The following UBASH3B variants were observed in gnomAD, a reference collection of about 807,000 sequenced individuals.
The protein encoded by UBASH3B is ubiquitin-associated and SH3 domain-containing protein B.
A neutral mutation model predicts 83.4 loss-of-function variants in UBASH3B; 37 were observed. That is an observed-to-expected ratio of 0.44 (90% CI 0.34 to 0.58). UBASH3B has a LOEUF of 0.58. Ranked by LOEUF, UBASH3B falls within the 20% of genes least tolerant of loss-of-function variation. The probability of loss-of-function intolerance (pLI) is 0.01; values close to 1 mark genes in which losing one functional copy is unlikely to be tolerated. For missense variants in UBASH3B, 657 were observed against 827.2 expected (o/e 0.79, Z 2.52); for synonymous variants, 304 against 318.3 (o/e 0.96, Z 0.48).
chr11:122,753,706 G>A (rs1400678353), intron 1 of UBASH3B, among the ~76,000 whole-genome samples: 1 of 151,798 alleles, frequency 6.6e-6, no homozygotes, highest in African/African-American at 2.4e-5. Flanking sequence ...TGTTGGTCAG[G>A]CTGGTCTCGA....
chr11:122,740,924 T>C (rs1318432938), intron 1 of UBASH3B, among the ~76,000 whole-genome samples: 1 of 152,210 alleles, frequency 6.6e-6, no homozygotes, highest in Non-Finnish European at 1.5e-5. Context: ...TAGTGGGACA[T>C]AATGTGTACA....
chr11:122,758,996 C>G lies in UBASH3B; in HGVS notation c.162-17223C>G, dbSNP rs1446212733. 2.0e-5 allele frequency among the ~76,000 whole-genome samples: 3 copies of G among 152,192 alleles called. No homozygotes were observed. Among genetic ancestry groups the G allele is most frequent in the African/African-American group, 7.2e-5 (3 of 41,440 alleles). On this transcript the variant is annotated intron_variant, in intron 1 of 13. Coordinates refer to ENST00000284273, the MANE Select transcript of UBASH3B (RefSeq NM_032873.5). This position sits in a 1 kb window ranked among gnomAD's most constrained non-coding sequence, Gnocchi z 4.2. ...ACTCTAACTTTAGTGGCTTAAAACACACATTTTCCCAGTTTCTGTAGGTCA... is the reference window on the plus strand; with the variant it reads ...ACTCTAACTTTAGTGGCTTAAAACAGACATTTTCCCAGTTTCTGTAGGTCA...
intron 5 of UBASH3B, 125 bp downstream of exon 5, chr11:122,783,347 C>T: frequency 8.4e-7 from 1 of 1,190,528 alleles, no homozygotes; most frequent in Non-Finnish European, 1.2e-6. Context: ...ACAGAGAGTC[C>T]GTTGGCTCAG....
intron 11 of UBASH3B, among the ~76,000 whole-genome samples, chr11:122,803,549 G>C (rs1156720316): frequency 6.6e-6 from 1 of 152,076 alleles, no homozygotes; most frequent in Non-Finnish European, 1.5e-5. Flanking sequence ...GGGCCTGGGG[G>C]GGTTGAAAAC....
At chr11:122,715,112 A>T (rs1218252208) in intron 1 of UBASH3B, among the ~76,000 whole-genome samples, 1 of 151,964 alleles carries the variant, frequency 6.6e-6, no homozygotes, top group Admixed American at 6.6e-5. Context: ...CACCCGGCTA[A>T]TTTTTTGTAT....
At chr11:122,666,566 G>A (rs12790227) in intron 1 of UBASH3B, among the ~76,000 whole-genome samples, 64 of 151,946 alleles carry the variant, frequency 4.2e-4, no homozygotes, top group Non-Finnish European at 7.5e-4. Flanking sequence ...TTACAGGCGC[G>A]CGCCTCCATG....
intron 6 of UBASH3B, among the ~76,000 whole-genome samples, chr11:122,790,790 T>TA (rs1162749596): frequency 2.0e-4 from 29 of 144,528 alleles, no homozygotes; most frequent in East Asian, 1.8e-3. Context: ...CTACCAAAAA[T>TA]AAAAAAAAAA....
At chr11:122,753,717 A>G (rs771926429) in intron 1 of UBASH3B, among the ~76,000 whole-genome samples, 5 of 151,354 alleles carry the variant, frequency 3.3e-5, no homozygotes, top group Admixed American at 6.6e-5. Context: ...CTGGTCTCGA[A>G]CTCCTGATCT....
At chr11:122,697,202 G>A (rs1863975247) in intron 1 of UBASH3B, among the ~76,000 whole-genome samples, 1 of 152,158 alleles carries the variant, frequency 6.6e-6, no homozygotes, top group African/African-American at 2.4e-5. Context: ...CCAAACAACG[G>A]GAATGGTGGC....
intron 1 of UBASH3B, among the ~76,000 whole-genome samples, chr11:122,694,431 A>T (rs1036969187): frequency 6.6e-6 from 1 of 152,140 alleles, no homozygotes; most frequent in African/African-American, 2.4e-5. Flanking sequence ...ATGGTGGCAC[A>T]TGCCTGTAGT....
chr11:122,723,099 G>C (rs1391009820), intron 1 of UBASH3B, among the ~76,000 whole-genome samples: 1 of 152,114 alleles, frequency 6.6e-6, no homozygotes, highest in African/African-American at 2.4e-5. Context: ...CTCCCAGAAA[G>C]TTTCTGAAAA....
intron 11 of UBASH3B, among the ~76,000 whole-genome samples, chr11:122,804,184 G>T (rs1162993286): frequency 6.6e-6 from 1 of 152,256 alleles, no homozygotes; most frequent in East Asian, 1.9e-4. Flanking sequence ...GGGAGATGAG[G>T]TGACATAAAT....
chr11:122,791,421 A>G (rs770185090), intron 6 of UBASH3B, among the ~76,000 whole-genome samples: 6 of 152,228 alleles, frequency 3.9e-5, no homozygotes, highest in Non-Finnish European at 7.3e-5. Flanking sequence ...TTAGCTTTAC[A>G]TGGTTCAGAG....
At chr11:122,665,734 T>C (rs1281442960) in intron 1 of UBASH3B, among the ~76,000 whole-genome samples, 1 of 152,182 alleles carries the variant, frequency 6.6e-6, no homozygotes, top group East Asian at 1.9e-4. Flanking sequence ...CGTTTACTAG[T>C]ATGCAATAGT....
chr11:122,725,342 A>AAAAAAAAAAAAAAAGAGAG (rs71281633), intron 1 of UBASH3B, among the ~76,000 whole-genome samples: 22 of 130,782 alleles, frequency 1.7e-4, no homozygotes, highest in Non-Finnish European at 2.4e-4. Context: ...AAAAAAAAAA[A>AAAAAAAAAAAAAAAGAGAG]AAGAAAAGAA....
chr11:122,711,285 T>A lies in UBASH3B; in HGVS notation c.161+55075T>A, dbSNP rs556670631. Among the ~76,000 whole-genome samples the A allele has an allele frequency of 8.5e-5, 13 of 152,334 alleles. No homozygotes were observed. In the South Asian group the frequency reaches 2.5e-3, roughly 29 times the overall value. On this transcript the variant is annotated intron_variant, in intron 1 of 13. Transcript: ENST00000284273. ...TCTCCTGTCCAAACCTTGGAATTCG[T>A]AATCATTTTAGTGCTTAGGGAAAGA...
chr11:122,730,620 A>C (rs1159550600), intron 1 of UBASH3B, among the ~76,000 whole-genome samples: 3 of 145,130 alleles, frequency 2.1e-5, no homozygotes, highest in Non-Finnish European at 4.5e-5. Flanking sequence ...ATTGAGACAG[A>C]GTTTTGCTCT....
intron 1 of UBASH3B, among the ~76,000 whole-genome samples, chr11:122,714,610 A>G (rs899495978): frequency 6.6e-6 from 1 of 152,164 alleles, no homozygotes; most frequent in Non-Finnish European, 1.5e-5. Flanking sequence ...CGGTCGTGTG[A>G]CTTTGGACAG....
chr11:122,756,710 A>G (rs2135972611), intron 1 of UBASH3B, among the ~76,000 whole-genome samples: 1 of 152,316 alleles, frequency 6.6e-6, no homozygotes, highest in South Asian at 2.1e-4. Flanking sequence ...CTCCCCTGCC[A>G]TGACCATACT....
Sources: gnomAD v4.1 joint callset for allele counts (sites outside exome capture counted in the v4.1 genomes callset) on GRCh38, gnomAD v4.1.1 for gene constraint, Gnocchi (gnomAD v3.1) non-coding constraint, MANE v1.5 for transcripts, NCBI Gene and HGNC (gene_info 2026-07-23, HGNC 2026-07-21) for gene names.